ARVCF: variants seen among roughly 807,000 people sequenced by gnomAD.
ARVCF encodes ARVCF delta catenin family member, also known as splicing regulator ARVCF.
ARVCF carries 66 observed loss-of-function variants against 90.9 expected under a neutral mutation model. The observed-to-expected ratio is 0.73, with a 90% CI of 0.60 to 0.89. The LOEUF is 0.89. ARVCF is among the 40% of genes least tolerant of loss of function. The pLI is 0.00. For missense variants in ARVCF, 1,469 were observed against 1,382.3 expected (o/e 1.06, Z -1.00); for synonymous variants, 653 against 603.4 (o/e 1.08, Z -1.21).
Position 19,971,332 on chromosome 22 carries a change from C to G in ARVCF, c.2785G>C (p.Asp929His). The G allele has an allele frequency of 1.3e-6, 2 of 1,552,090 alleles. No individual in the cohort carries two copies. Among genetic ancestry groups the G allele is most frequent in the South Asian group, 1.2e-5 (1 of 84,300 alleles). ...EASEKEPLKL[D>H]PSRKAPPPGP... ...GGGGGAGGGGCCTTCCTGCTGGGGT[C>G]GAGCTGCAGCGCACGGGTGGGCATT... Residue 929 changes from aspartate to histidine, a missense_variant, in exon 19 of 20, where the codon GAC (aspartate) becomes CAC (histidine). Transcript: ENST00000263207.
At position 19,973,125 on chromosome 22, in the gene ARVCF, G is replaced by A. The variant is rs763022632; in HGVS notation, c.2432C>T (p.Ala811Val). 6 of 1,606,070 alleles carry A rather than the reference G, an allele frequency of 3.7e-6. No homozygotes were observed. Among genetic ancestry groups the A allele is most frequent in the Admixed American group, 1.7e-5 (1 of 58,980 alleles). ...RGVPALVALV[A>V]SSQSVREAKA... is the part of the protein sequence containing the mutation. Reference sequence around the variant, plus strand: ...CGACCCCGCCCCTCCACACCTGGAGGCCACGAGAGCCACCAACGCTGGCAC... The same window carrying A: ...CGACCCCGCCCCTCCACACCTGGAGACCACGAGAGCCACCAACGCTGGCAC... The change falls in exon 14 of 20, where the codon GCC (alanine) becomes GTC (valine). Residue 811 changes from alanine (A) to valine (V), a missense_variant. Coordinates refer to ENST00000263207, the MANE Select transcript of ARVCF (RefSeq NM_001670.3).
chr22:19,992,389 G>A (rs1043908789), intron 2 of ARVCF, among the ~76,000 whole-genome samples: 14 of 152,262 alleles, frequency 9.2e-5, no homozygotes, highest in African/African-American at 3.1e-4. Context: ...CCAGCAAAGG[G>A]ATAAACAGCA....
chr22:19,982,086 C>G lies in ARVCF; in HGVS notation c.216G>C (p.Gln72His), dbSNP rs1435014862. 1.2e-6 allele frequency: 2 copies of G among 1,611,112 alleles called. No homozygotes were observed. The highest frequency in any genetic ancestry group is 1.7e-6 in the Non-Finnish European group (2 of 1,179,908). Residue 72 changes from glutamine to histidine, a missense_variant, in exon 4 of 20, where the codon CAG (glutamine) becomes CAC (histidine). Transcript: ENST00000263207. ...MAWQQLVLQE[Q>H]SPGSQASLAT... ...CCAGTGAGGCCTGGCTGCCTGGGCT[C>G]TGCTCCTGGGGCAAGGAGGGACATT...
At chr22:20,006,104 G>A (rs1944614634) in intron 2 of ARVCF, among the ~76,000 whole-genome samples, 2 of 152,188 alleles carry the variant, frequency 1.3e-5, no homozygotes, top group East Asian at 3.9e-4. Context: ...TCAAGAAAGG[G>A]GCAAACGGGG....
intron 1 of ARVCF, among the ~76,000 whole-genome samples, chr22:20,014,132 G>A (rs192606530): frequency 6.1e-5 from 9 of 146,894 alleles, no homozygotes; most frequent in Admixed American, 5.5e-4. Flanking sequence ...TGCCTGCCTC[G>A]GCCTCCCAAA....
In ARVCF at chr22:19,990,768, G is replaced by A. The variant is rs749294054; in HGVS notation, c.27C>T (p.Ala9=). 17 of 1,577,786 alleles carry A rather than the reference G, an allele frequency of 1.1e-5. No homozygotes were observed. Among genetic ancestry groups the A allele is most frequent in the African/African-American group, 9.5e-5 (7 of 74,048 alleles). The part of the protein sequence containing the change: MEDCNVHS[A]ASILASVKEQ... Reference sequence around the variant, plus strand: ...CCTTCACCGAGGCCAGGATGCTGGCGGCCGAGTGCACATTGCAGTCCTCCA... The same window carrying A: ...CCTTCACCGAGGCCAGGATGCTGGCAGCCGAGTGCACATTGCAGTCCTCCA... Residue 9 remains alanine, a synonymous_variant, in exon 3 of 20, where the codon GCC becomes GCT. Coordinates refer to ENST00000263207, the MANE Select transcript of ARVCF (RefSeq NM_001670.3).
Position 19,980,140 on chromosome 22 carries a change from C to A in ARVCF, c.999G>T (p.Met333Ile). Residue 333 changes from methionine to isoleucine, a missense_variant, in exon 6 of 20, where the codon ATG becomes ATT. Transcript: ENST00000263207. ...APLAQPERGS[M>I]GSLDRLVRRS... The stretch of plus-strand genomic sequence containing the variant: ...GCCGCACCAGCCGGTCCAGGCTGCC[C>A]ATGCTGCCCCGTTCAGGCTGGGCCA... The A allele has an allele frequency of 6.3e-7, 1 of 1,592,468 alleles. No individual in the cohort carries two copies. Among genetic ancestry groups the A allele is most frequent in the Non-Finnish European group, 8.5e-7 (1 of 1,172,172 alleles).
At chr22:19,972,678 C>CA in intron 16 of ARVCF, 59 bp downstream of exon 16, 2 of 1,515,470 alleles carry the variant, frequency 1.3e-6, no homozygotes, top group African/African-American at 2.8e-5. Flanking sequence ...ACCCAAGGGT[C>CA]AGGCAACTGG....
chr22:19,991,989 G>A (rs1944045536), intron 2 of ARVCF, among the ~76,000 whole-genome samples: 1 of 152,256 alleles, frequency 6.6e-6, no homozygotes, highest in East Asian at 1.9e-4. Flanking sequence ...CACTGCGGGT[G>A]ACATCCCCAG....
At chr22:19,981,144 C>T (rs2146311716) in intron 5 of ARVCF, 67 bp downstream of exon 5, 1 of 1,454,530 alleles carries the variant, frequency 6.9e-7, no homozygotes, top group South Asian at 1.4e-5. Flanking sequence ...GTGGGGCACT[C>T]TGTAGTTGGG....
rs1412292028 is a variant in ARVCF at position 19,970,758 on chromosome 22, G to C, written c.*13-15C>G. 3 of 1,291,316 alleles carry C rather than the reference G, an allele frequency of 2.3e-6. No individual in the cohort carries two copies. The South Asian group carries it at 3.7e-5, about 16-fold the overall frequency. 80.0% of individuals were successfully genotyped at this position (1,291,316 alleles called of 1,614,324 possible). On this transcript the variant is annotated splice_polypyrimidine_tract_variant and intron_variant, in intron 19 of 19. Transcript: ENST00000263207. Reference sequence around the variant, plus strand: ...GGGCCTGGGCCCTGCAGAGGGAAAGGGGATGGTGGACGCTGCAGCCACTGA... The same window carrying C: ...GGGCCTGGGCCCTGCAGAGGGAAAGCGGATGGTGGACGCTGCAGCCACTGA...
Position 19,980,023 on chromosome 22 carries a change from G to T in ARVCF, c.1116C>A (p.Asp372Glu). The T allele has an allele frequency of 6.3e-7, 1 of 1,591,310 alleles. No individual in the cohort carries two copies. Among genetic ancestry groups the T allele is most frequent in the Non-Finnish European group, 8.6e-7 (1 of 1,168,868 alleles). ...AGGCGGCCGCATTGGCCTTCACGGGGTCCACGGGGTGCCGCAGCATGGCCA... is the reference window on the plus strand; with the variant it reads ...AGGCGGCCGCATTGGCCTTCACGGGTTCCACGGGGTGCCGCAGCATGGCCA... ...EVLAMLRHPVDPVKANAAAYL... is the reference protein window; with the variant it reads ...EVLAMLRHPVEPVKANAAAYL... Residue 372 changes from aspartate to glutamate, a missense_variant, in exon 6 of 20, where the codon GAC becomes GAA. By Grantham distance (45) the Asp-to-Glu change is conservative. Transcript: ENST00000263207.
intron 17 of ARVCF, 100 bp from the exon 18 acceptor site, chr22:19,972,071 G>T: frequency 8.2e-7 from 1 of 1,220,864 alleles, no homozygotes; most frequent in South Asian, 1.4e-5. Flanking sequence ...CGTGGGACAG[G>T]GGCTTTGGGA....
chr22:19,967,324 G>A (rs4646318), downstream of ARVCF: 38,450 of 757,652 alleles, frequency 0.051, 1,118 homozygotes, highest in East Asian at 0.067. Flanking sequence ...CCCTGCTCAA[G>A]GCCTAGGCCA....
Position 19,973,185 on chromosome 22 carries a change from A to G in ARVCF, c.2372T>C (p.Leu791Pro), listed in dbSNP as rs1942938117. The change falls in exon 14 of 20, where the codon CTG becomes CCG. Residue 791 changes from leucine (L) to proline (P), a missense_variant. Physicochemically the swap from Leu to Pro is moderately conservative, Grantham distance 98. Coordinates refer to ENST00000263207, the MANE Select transcript of ARVCF (RefSeq NM_001670.3). ...NTIHEIVSDS[L>P]DNARSLLQAR... ...CTGCAGGAGCGAGCGCGCGTTATCC[A>G]GGCTGTCGGACACGATTTCGTGGAT... The G allele has an allele frequency of 6.2e-7, 1 of 1,610,570 alleles. No homozygotes were observed.
Position 19,981,165 on chromosome 22 carries a change from C to T in ARVCF, c.896+46G>A, listed in dbSNP as rs368109918. ...CACTCTGTAGTTGGGGGGTGGAGGGCAGACTTCCCAGAGGAGGTAGCCACA... is the reference window on the plus strand; with the variant it reads ...CACTCTGTAGTTGGGGGGTGGAGGGTAGACTTCCCAGAGGAGGTAGCCACA... On this transcript the variant is annotated intron_variant, in intron 5 of 19. Coordinates refer to ENST00000263207, the MANE Select transcript of ARVCF (RefSeq NM_001670.3). 85 of 1,468,352 alleles carry T rather than the reference C, an allele frequency of 5.8e-5. No homozygotes were observed. In the African/African-American group the frequency reaches 1.1e-3, roughly 20 times the overall value. 91.0% of individuals were successfully genotyped at this position (1,468,352 alleles called of 1,614,324 possible).
At chr22:19,991,467 CTG>C (rs1243417956) in intron 2 of ARVCF, among the ~76,000 whole-genome samples, 1 of 152,272 alleles carries the variant, frequency 6.6e-6, no homozygotes, top group African/African-American at 2.4e-5. Context: ...AGAGTAAAAA[CTG>C]AGGACAAGCC....
At chr22:19,987,244 C>T (rs1464702157) in intron 3 of ARVCF, 2 of 150,408 alleles carry the variant, frequency 1.3e-5, no homozygotes, top group South Asian at 2.4e-4. Flanking sequence ...AGCAGCCAAT[C>T]GGGCGGGGCC....
intron 2 of ARVCF, among the ~76,000 whole-genome samples, chr22:19,998,554 G>A (rs1392485401): frequency 6.6e-6 from 1 of 152,198 alleles, no homozygotes; most frequent in African/African-American, 2.4e-5. Context: ...CAGCCCAGGA[G>A]GCCAGGCTGA....
Sources: gnomAD v4.1 joint callset for allele counts (sites outside exome capture counted in the v4.1 genomes callset) on GRCh38, gnomAD v4.1.1 for gene constraint, MANE v1.5 for transcripts, NCBI Gene and HGNC (gene_info 2026-07-23, HGNC 2026-07-21) for gene names.